Variants in MAD1L1 observed in about 807,000 individuals in gnomAD.
MAD1L1 encodes the protein mitotic spindle assembly checkpoint protein MAD1.
In MAD1L1, 95 loss-of-function variants were observed where a neutral mutation model predicts 96.9. The ratio of observed to expected loss-of-function variants is 0.98; its 90% CI spans 0.83 to 1.16. The LOEUF is 1.16. Ranked by LOEUF, MAD1L1 falls within the 50% of genes most tolerant of loss-of-function variation. The pLI is 0.00. For synonymous variants in MAD1L1, 473 were observed against 396.6 expected (o/e 1.19, Z -2.29); for missense variants, 1,007 against 954.4 (o/e 1.06, Z -0.73).
chr7:1,892,994 G>A (rs12699435), intron 18 of MAD1L1, among the ~76,000 whole-genome samples: 3,908 of 152,348 alleles, frequency 0.026, 90 homozygotes, highest in Middle Eastern at 0.11. Flanking sequence ...GGAAAATTCC[G>A]TGAGAACCAC....
intron 15 of MAD1L1, among the ~76,000 whole-genome samples, chr7:1,958,335 A>G (rs1391801039): frequency 6.6e-6 from 1 of 152,226 alleles, no homozygotes; most frequent in Non-Finnish European, 1.5e-5. Context: ...TTCACTGTAA[A>G]AAGCTGTCTA....
At chr7:2,021,717 A>G (rs1017391853) in intron 12 of MAD1L1, among the ~76,000 whole-genome samples, 2 of 152,050 alleles carry the variant, frequency 1.3e-5, no homozygotes, top group African/African-American at 4.8e-5. Context: ...GTGAGCCAAG[A>G]TCGCACCACT....
At chr7:2,228,802 G>A (rs971734883) in intron 3 of MAD1L1, among the ~76,000 whole-genome samples, 8 of 151,038 alleles carry the variant, frequency 5.3e-5, no homozygotes, top group Non-Finnish European at 1.0e-4. Context: ...GTGCGGTGGC[G>A]CAATCTCAGC....
intron 18 of MAD1L1, among the ~76,000 whole-genome samples, chr7:1,886,999 C>A (rs368676728): frequency 1.3e-5 from 2 of 152,270 alleles, no homozygotes; most frequent in Non-Finnish European, 2.9e-5. Flanking sequence ...CGCATGGCAG[C>A]GGCAGGGAGA....
chr7:1,847,476 GC>G (rs1466642767), intron 18 of MAD1L1: 1 of 471,062 alleles, frequency 2.1e-6, no homozygotes, highest in Admixed American at 2.3e-5. Flanking sequence ...ACACAACCCA[GC>G]CCCCACTGGG....
At chr7:2,182,796 T>C (rs533038140) in intron 10 of MAD1L1, among the ~76,000 whole-genome samples, 1 of 152,292 alleles carries the variant, frequency 6.6e-6, no homozygotes, top group Non-Finnish European at 1.5e-5. Flanking sequence ...TGCCAGGGGC[T>C]GGGGAAAGGA....
chr7:2,059,555 G>T (rs1184506240), intron 12 of MAD1L1, among the ~76,000 whole-genome samples: 5 of 150,288 alleles, frequency 3.3e-5, no homozygotes, highest in African/African-American at 1.2e-4. Context: ...GCAAGGGGCT[G>T]GCGGGGAAGC....
chr7:1,876,780 T>G (rs1364738900), intron 18 of MAD1L1, among the ~76,000 whole-genome samples: 7 of 150,260 alleles, frequency 4.7e-5, no homozygotes, highest in African/African-American at 1.7e-4. Flanking sequence ...CCCCAGAAGG[T>G]GATGTCCTTG....
chr7:2,179,870 C>G (rs538907588), intron 10 of MAD1L1, among the ~76,000 whole-genome samples: 2 of 151,884 alleles, frequency 1.3e-5, no homozygotes, highest in Admixed American at 6.6e-5. Context: ...ACTCGGGAGG[C>G]TGAGGCAAGA....
intron 10 of MAD1L1, among the ~76,000 whole-genome samples, chr7:2,188,746 GAGA>G (rs1438409125): frequency 9.9e-5 from 15 of 151,982 alleles, no homozygotes; most frequent in African/African-American, 4.8e-5. Context: ...AAAAACAGGG[GAGA>G]AGGTTTATGA....
At chr7:2,124,790 G>A (rs1019274985) in intron 11 of MAD1L1, among the ~76,000 whole-genome samples, 4 of 152,184 alleles carry the variant, frequency 2.6e-5, no homozygotes, top group African/African-American at 4.8e-5. Context: ...CTGAATTCAG[G>A]AGCCTTGCTC....
At position 2,141,011 on chromosome 7, in the gene MAD1L1, G is replaced by A. The variant is rs150678269; in HGVS notation, c.1073+8141C>T. 4.8e-4 allele frequency among the ~76,000 whole-genome samples: 73 copies of A among 152,326 alleles called. No homozygotes were observed. In the East Asian group the frequency reaches 6.9e-3, roughly 14 times the overall value. On this transcript the variant is annotated intron_variant, in intron 11 of 18. Coordinates refer to ENST00000265854, the MANE Select transcript of MAD1L1 (RefSeq NM_001013836.2). ...AACAGTCTGGGTGTGAAATATTAAC[G>A]GCAGCTCATCTTGCTGAAAGAAGCA... is the stretch of plus-strand genomic sequence containing the variant.
intron 11 of MAD1L1, among the ~76,000 whole-genome samples, chr7:2,137,244 C>T (rs1284056843): frequency 6.6e-6 from 1 of 152,234 alleles, no homozygotes; most frequent in East Asian, 1.9e-4. Context: ...AAACAACATT[C>T]AAGTAGTATT....
intron 11 of MAD1L1, among the ~76,000 whole-genome samples, chr7:2,115,575 G>T (rs1169567257): frequency 6.7e-6 from 1 of 149,148 alleles, no homozygotes; most frequent in Non-Finnish European, 1.5e-5. Context: ...CGTGTGTTCC[G>T]GGATCAGAGG....
intron 17 of MAD1L1, among the ~76,000 whole-genome samples, chr7:1,918,597 C>G (rs1484747109): frequency 1.3e-5 from 2 of 152,232 alleles, no homozygotes; most frequent in Non-Finnish European, 2.9e-5. Context: ...ACCCCGCTCA[C>G]CTGCAAACCC....
intron 11 of MAD1L1, among the ~76,000 whole-genome samples, chr7:2,085,862 C>A (rs977423084): frequency 2.0e-5 from 3 of 152,188 alleles, no homozygotes; most frequent in African/African-American, 7.2e-5. Context: ...ATCCAGTGAC[C>A]GCCTAACCTC....
Position 2,091,294 on chromosome 7 carries a change from G to A in MAD1L1, c.1074-21956C>T, listed in dbSNP as rs138326833. ...GCTTGGAAGCCCTGCTCTGGGCCCCGGTCAGCTCCCTGTTGCTGGGTGTGC... is the reference window on the plus strand; with the variant it reads ...GCTTGGAAGCCCTGCTCTGGGCCCCAGTCAGCTCCCTGTTGCTGGGTGTGC... On this transcript the variant is annotated intron_variant, in intron 11 of 18. Coordinates refer to ENST00000265854, the MANE Select transcript of MAD1L1 (RefSeq NM_001013836.2). Among the ~76,000 whole-genome samples, 44 of 152,086 alleles carry A rather than the reference G, an allele frequency of 2.9e-4. No homozygotes were observed. In the East Asian group the frequency reaches 7.7e-3, roughly 27 times the overall value.
intron 13 of MAD1L1, among the ~76,000 whole-genome samples, chr7:2,013,586 G>T (rs1006285095): frequency 2.0e-5 from 3 of 152,270 alleles, no homozygotes; most frequent in Non-Finnish European, 4.4e-5. Context: ...GAGCAGTCAG[G>T]TAAAGGGCCA....
At chr7:2,053,450 C>T (rs954597613) in intron 12 of MAD1L1, among the ~76,000 whole-genome samples, 1 of 152,202 alleles carries the variant, frequency 6.6e-6, no homozygotes, top group Non-Finnish European at 1.5e-5. Flanking sequence ...CTGTGCCAGC[C>T]GCCGGTGAAC....
Sources: allele counts gnomAD v4.1 joint callset (sites outside exome capture counted in the v4.1 genomes callset), GRCh38; gene constraint gnomAD v4.1.1; transcripts MANE v1.5; gene names NCBI Gene and HGNC (gene_info 2026-07-23, HGNC 2026-07-21).